The following TBC1D19 variants were observed in gnomAD, a reference collection of about 807,000 sequenced individuals.
The protein encoded by TBC1D19 is TBC1 domain family member 19.
TBC1D19 carries 60 observed loss-of-function variants against 89.0 expected under a neutral mutation model. The observed-to-expected ratio is 0.67, with a 90% CI of 0.55 to 0.84. The LOEUF (loss-of-function observed/expected upper bound fraction) is 0.84, where lower values mean the gene tolerates loss of function less well. Ranked by LOEUF, TBC1D19 falls within the 40% of genes least tolerant of loss-of-function variation. The pLI is 0.00. For missense variants in TBC1D19, 500 were observed against 610.8 expected (o/e 0.82, Z 1.91); for synonymous variants, 189 against 199.7 (o/e 0.95, Z 0.45).
the TBC1D19 span, among the ~76,000 whole-genome samples, chr4:26,853,206 G>A: frequency 1.3e-5 from 2 of 152,088 alleles, no homozygotes; most frequent in East Asian, 1.9e-4. Context: ...TAGCTAGATC[G>A]ATCTCACTGG....
intron 9 of TBC1D19, among the ~76,000 whole-genome samples, chr4:26,670,290 T>C (rs965608423): frequency 6.6e-5 from 10 of 151,218 alleles, no homozygotes; most frequent in African/African-American, 1.9e-4. Flanking sequence ...TTAGTCATTG[T>C]ATAATCTGTT....
chr4:26,826,550 G>A, the TBC1D19 span, among the ~76,000 whole-genome samples: 5 of 152,268 alleles, frequency 3.3e-5, no homozygotes, highest in African/African-American at 1.2e-4. Flanking sequence ...AACATAAAAT[G>A]CTTCTCATCT....
At chr4:26,837,555 C>G in the TBC1D19 span, among the ~76,000 whole-genome samples, 22 of 152,160 alleles carry the variant, frequency 1.4e-4, no homozygotes, top group Non-Finnish European at 2.9e-4. Flanking sequence ...CTGTATAGCA[C>G]TTGGAGTTTT....
intron 4 of TBC1D19, among the ~76,000 whole-genome samples, chr4:26,626,809 G>C (rs1240048700): frequency 2.1e-5 from 3 of 139,992 alleles, no homozygotes; most frequent in African/African-American, 7.5e-5. Flanking sequence ...TGAGGATAGA[G>C]CTCAAATTCT....
chr4:26,784,109 C>A, the TBC1D19 span, among the ~76,000 whole-genome samples: 1 of 152,260 alleles, frequency 6.6e-6, no homozygotes, highest in East Asian at 1.9e-4. Context: ...CTTCAAATTG[C>A]CTTTCCAGTT....
At chr4:26,745,609 C>T (rs1252197946) in intron 18 of TBC1D19, among the ~76,000 whole-genome samples, 2 of 139,888 alleles carry the variant, frequency 1.4e-5, no homozygotes, top group African/African-American at 5.2e-5. Flanking sequence ...CTGGTTCAGG[C>T]AATTCCCCTG....
At chr4:26,621,801 G>T (rs144414164) in intron 4 of TBC1D19, among the ~76,000 whole-genome samples, 5 of 152,094 alleles carry the variant, frequency 3.3e-5, no homozygotes, top group South Asian at 4.2e-4. Context: ...ATATATGAAA[G>T]AATTGTGGGT....
At chr4:26,735,120 ATG>A (rs150447027) in intron 15 of TBC1D19, among the ~76,000 whole-genome samples, 2,048 of 151,390 alleles carry the variant, frequency 0.014, 41 homozygotes, top group African/African-American at 0.046. Flanking sequence ...ATGTATACAC[ATG>A]TGTGTGTATA....
At chr4:26,733,867 GA>G (rs1717813108) in intron 15 of TBC1D19, among the ~76,000 whole-genome samples, 1 of 152,288 alleles carries the variant, frequency 6.6e-6, no homozygotes, top group East Asian at 1.9e-4. Flanking sequence ...TGTAGGGAGG[GA>G]AAATGATTAG....
At chr4:26,708,838 T>C (rs1288246727) in intron 13 of TBC1D19, among the ~76,000 whole-genome samples, 2 of 152,074 alleles carry the variant, frequency 1.3e-5, no homozygotes, top group African/African-American at 2.4e-5. Flanking sequence ...TTGCTATCTC[T>C]TTATTGATGT....
chr4:26,844,667 G>A, the TBC1D19 span, among the ~76,000 whole-genome samples: 2 of 152,214 alleles, frequency 1.3e-5, no homozygotes, highest in Admixed American at 1.3e-4. Flanking sequence ...GCTGCAGCCA[G>A]CTGTGTTTTA....
intron 1 of TBC1D19, among the ~76,000 whole-genome samples, chr4:26,595,966 AT>A (rs34255365): frequency 6.6e-6 from 1 of 151,728 alleles, no homozygotes; most frequent in African/African-American, 2.4e-5. Context: ...ATTAAAAAAA[AT>A]TTTTTTTGAG....
chr4:26,699,577 G>A (rs988824371), intron 13 of TBC1D19, among the ~76,000 whole-genome samples: 13 of 151,996 alleles, frequency 8.6e-5, no homozygotes, highest in African/African-American at 1.7e-4. Flanking sequence ...TGTTTATTGC[G>A]GCACTATTCA....
chr4:26,709,952 G>A (rs1716033421), intron 13 of TBC1D19, among the ~76,000 whole-genome samples: 1 of 151,948 alleles, frequency 6.6e-6, no homozygotes, highest in South Asian at 2.1e-4. Context: ...AGGACCCCAA[G>A]CCAGGGGTGT....
At chr4:26,774,116 G>A in the TBC1D19 span, among the ~76,000 whole-genome samples, 2 of 152,080 alleles carry the variant, frequency 1.3e-5, no homozygotes, top group Non-Finnish European at 2.9e-5. Context: ...GAGCCTTTTG[G>A]GGGGCAGGGC....
chr4:26,744,883 TTAA>T (rs1258136046), intron 18 of TBC1D19, among the ~76,000 whole-genome samples: 17 of 152,166 alleles, frequency 1.1e-4, no homozygotes, highest in Non-Finnish European at 2.1e-4. Flanking sequence ...ATCAAGTTTG[TTAA>T]TAATGATGTT....
At position 26,659,769 on chromosome 4, in the gene TBC1D19, A is replaced by C; in HGVS notation, c.591+62A>C. The C allele has an allele frequency of 6.5e-6, 7 of 1,082,304 alleles. No individual in the cohort carries two copies. In the South Asian group the frequency reaches 9.8e-5, roughly 15 times the overall value. The allele number at this position is 1,082,304 out of a possible 1,614,324, so 67.0% of individuals were successfully genotyped here. A position where few individuals can be genotyped will look rare whatever the true frequency, so the allele number is the denominator to read the frequency against. ...AGATAACCATTAGAAAAATGTTTTA[A>C]TACAGCATGTATGTAAAGCAATAGG... On this transcript the variant is annotated intron_variant, in intron 8 of 20. Coordinates refer to ENST00000264866, the MANE Select transcript of TBC1D19 (RefSeq NM_018317.4).
chr4:26,720,210 T>C, intron 15 of TBC1D19, 85 bp downstream of exon 15: 1 of 959,434 alleles, frequency 1.0e-6, no homozygotes, highest in Non-Finnish European at 1.6e-6. Flanking sequence ...TTATTCTCTT[T>C]AATGGATAAT....
chr4:26,767,303 A>G, the TBC1D19 span, among the ~76,000 whole-genome samples: 1 of 152,248 alleles, frequency 6.6e-6, no homozygotes, highest in African/African-American at 2.4e-5. Context: ...AACTCCATTT[A>G]TCCCACAGTT....
Sources: gnomAD v4.1 joint callset for allele counts (sites outside exome capture counted in the v4.1 genomes callset) on GRCh38, gnomAD v4.1.1 for gene constraint, MANE v1.5 for transcripts, NCBI Gene and HGNC (gene_info 2026-07-23, HGNC 2026-07-21) for gene names.